Variants in SGCD observed in about 807,000 individuals in gnomAD.
SGCD encodes the protein sarcoglycan delta.
In SGCD, 18 loss-of-function variants were observed where a neutral mutation model predicts 36.6. That is an observed-to-expected ratio of 0.49 (90% CI 0.34 to 0.73). The LOEUF is 0.73. Ranked by LOEUF, SGCD falls within the 30% of genes least tolerant of loss-of-function variation. SGCD has a pLI of 0.01. For synonymous variants in SGCD, 133 were observed against 130.6 expected (o/e 1.02, Z -0.12); for missense variants, 387 against 346.7 (o/e 1.12, Z -0.92).
At chr5:155,862,349 T>C in the SGCD span, among the ~76,000 whole-genome samples, 2 of 152,094 alleles carry the variant, frequency 1.3e-5, no homozygotes, top group Non-Finnish European at 2.9e-5. Context: ...AAAAGGAAGA[T>C]GAAAATAATC....
At chr5:156,206,866 T>A (rs999674977) in intron 3 of SGCD, among the ~76,000 whole-genome samples, 1 of 151,986 alleles carries the variant, frequency 6.6e-6, no homozygotes, top group Non-Finnish European at 1.5e-5. Flanking sequence ...CAAAGGTGAC[T>A]CCCTAGGCTC....
At chr5:156,387,195 A>G (rs1469596601) in intron 3 of SGCD, among the ~76,000 whole-genome samples, 1 of 152,200 alleles carries the variant, frequency 6.6e-6, no homozygotes, top group Non-Finnish European at 1.5e-5. Context: ...GCATTTGAGT[A>G]TGCGACAGCT....
chr5:155,770,794 C>T, the SGCD span, among the ~76,000 whole-genome samples: 2 of 152,014 alleles, frequency 1.3e-5, no homozygotes, highest in African/African-American at 2.4e-5. Flanking sequence ...GAATTTAGTC[C>T]TCTTTATCAG....
the SGCD span, among the ~76,000 whole-genome samples, chr5:155,790,623 G>A: frequency 6.6e-6 from 1 of 152,074 alleles, no homozygotes; most frequent in Non-Finnish European, 1.5e-5. Flanking sequence ...CATGAGCAAT[G>A]TGGAACTTGA....
At chr5:155,967,015 ATG>A (rs140947941) in intron 1 of SGCD, among the ~76,000 whole-genome samples, 110 of 149,826 alleles carry the variant, frequency 7.3e-4, no homozygotes, top group African/African-American at 2.5e-3. Context: ...TTGTGTGTGT[ATG>A]TGTGTGTGTG....
chr5:156,155,207 T>G (rs1762924069), intron 3 of SGCD, among the ~76,000 whole-genome samples: 1 of 151,570 alleles, frequency 6.6e-6, no homozygotes, highest in Admixed American at 6.6e-5. Context: ...TATCTATCTA[T>G]CTATCCGTCC....
At chr5:156,381,802 G>C (rs1770996238) in intron 3 of SGCD, among the ~76,000 whole-genome samples, 1 of 152,036 alleles carries the variant, frequency 6.6e-6, no homozygotes, top group Non-Finnish European at 1.5e-5. Flanking sequence ...CTCAAAGCTG[G>C]GGTTCAGCTC....
chr5:156,402,381 GA>G (rs1772200771), intron 3 of SGCD, among the ~76,000 whole-genome samples: 1 of 152,194 alleles, frequency 6.6e-6, no homozygotes, highest in Admixed American at 6.5e-5. Flanking sequence ...ATATGGCATA[GA>G]GCAATTTTTT....
At chr5:156,244,463 A>G (rs1765391465) in intron 3 of SGCD, among the ~76,000 whole-genome samples, 1 of 152,206 alleles carries the variant, frequency 6.6e-6, no homozygotes, top group South Asian at 2.1e-4. Context: ...GGATGTCCTT[A>G]TGTAACAGAA....
At chr5:156,341,952 T>A (rs777428701) in intron 2 of SGCD, among the ~76,000 whole-genome samples, 27 of 152,176 alleles carry the variant, frequency 1.8e-4, no homozygotes, top group Non-Finnish European at 3.7e-4. Context: ...CCTCAAGAGA[T>A]CCCCCTTCCT....
intron 3 of SGCD, among the ~76,000 whole-genome samples, chr5:156,144,519 G>A (rs1762665151): frequency 6.6e-6 from 1 of 152,058 alleles, no homozygotes; most frequent in Admixed American, 6.6e-5. Flanking sequence ...TGTGTCTTTT[G>A]GCTGCATAAA....
chr5:156,233,119 A>G (rs766746911), intron 3 of SGCD, among the ~76,000 whole-genome samples: 2 of 152,178 alleles, frequency 1.3e-5, no homozygotes, highest in Non-Finnish European at 2.9e-5. Context: ...AATTCATTTC[A>G]CCTGTCTTAA....
intron 2 of SGCD, among the ~76,000 whole-genome samples, chr5:156,121,687 A>C (rs1414698765): frequency 6.6e-6 from 1 of 152,212 alleles, no homozygotes; most frequent in African/African-American, 2.4e-5. Context: ...TTGGTGACCA[A>C]ATTAGATTTA....
chr5:156,147,019 G>A (rs778838511), intron 3 of SGCD, among the ~76,000 whole-genome samples: 23 of 152,112 alleles, frequency 1.5e-4, no homozygotes, highest in East Asian at 3.9e-4. Flanking sequence ...ATGAATGTAC[G>A]GCAAAGGTTT....
chr5:156,468,927 G>A (rs1754836516), intron 3 of SGCD, among the ~76,000 whole-genome samples: 2 of 152,310 alleles, frequency 1.3e-5, no homozygotes, highest in Admixed American at 1.3e-4. Flanking sequence ...GGGAGGCAGA[G>A]GTTGCAGTAA....
At chr5:156,084,230 G>A (rs551441475) in intron 1 of SGCD, among the ~76,000 whole-genome samples, 11 of 152,182 alleles carry the variant, frequency 7.2e-5, no homozygotes, top group South Asian at 2.1e-4. Flanking sequence ...CTATGGATGC[G>A]GTATGTTTTC....
At chr5:156,544,142 T>C (rs572737167) in intron 4 of SGCD, among the ~76,000 whole-genome samples, 22 of 152,322 alleles carry the variant, frequency 1.4e-4, no homozygotes, top group Admixed American at 5.9e-4. Context: ...TTAGTCTAGG[T>C]GATATTAGCA....
the SGCD span, among the ~76,000 whole-genome samples, chr5:155,797,666 C>G: frequency 6.6e-6 from 1 of 152,168 alleles, no homozygotes; most frequent in African/African-American, 2.4e-5. Flanking sequence ...TTGGCTCAAA[C>G]TACTGTGACT....
intron 3 of SGCD, among the ~76,000 whole-genome samples, chr5:156,504,622 C>T (rs953452923): frequency 2.4e-4 from 36 of 151,878 alleles, no homozygotes; most frequent in African/African-American, 8.2e-4. Context: ...TATTTTTTCT[C>T]TTATTAACTG....
Sources: allele counts gnomAD v4.1 joint callset (sites outside exome capture counted in the v4.1 genomes callset), GRCh38; gene constraint gnomAD v4.1.1; transcripts MANE v1.5; gene names NCBI Gene and HGNC (gene_info 2026-07-23, HGNC 2026-07-21).